The following UBXN4 variants were observed in gnomAD, a reference collection of about 807,000 sequenced individuals.
The protein encoded by UBXN4 is UBX domain-containing protein 4.
In UBXN4, 35 loss-of-function variants were observed where a neutral mutation model predicts 66.2. The observed-to-expected ratio is 0.53, with a 90% CI of 0.40 to 0.70. The LOEUF is 0.70. UBXN4 is among the 30% of genes least tolerant of loss of function. UBXN4 has a pLI of 0.00. For synonymous variants in UBXN4, 203 were observed against 204.5 expected, an observed-to-expected ratio of 0.99 and a Z score of 0.06; for missense variants, 533 against 599.8, an observed-to-expected ratio of 0.89 and a Z score of 1.16.
At chr2:135,745,918 G>A (rs532219092) in intron 1 of UBXN4, among the ~76,000 whole-genome samples, 3 of 108,136 alleles carry the variant, frequency 2.8e-5, no homozygotes, top group African/African-American at 7.0e-5. Context: ...TCACTCTGCC[G>A]CCAGGCTGGA....
chr2:135,749,696 T>G (rs1038190633), intron 2 of UBXN4, among the ~76,000 whole-genome samples: 2 of 152,244 alleles, frequency 1.3e-5, no homozygotes, highest in African/African-American at 4.8e-5. Flanking sequence ...AATAATTCTT[T>G]AATATCAAAT....
intron 2 of UBXN4, among the ~76,000 whole-genome samples, chr2:135,750,835 CTTTTTTTTTTTTTTTTTTTTTTT>C (rs1166056661): frequency 3.9e-5 from 3 of 77,438 alleles, no homozygotes; most frequent in South Asian, 4.8e-4. Flanking sequence ...ATGTGTCTGG[CTTTTTTTTTTTTTTTTTTTTTTT>C]TTTTTTTTTT....
At chr2:135,763,494 T>G (rs563360534) in intron 6 of UBXN4, among the ~76,000 whole-genome samples, 1 of 152,334 alleles carries the variant, frequency 6.6e-6, no homozygotes, top group Admixed American at 6.5e-5. Flanking sequence ...GATGGTATTT[T>G]AAAATCTATT....
intron 5 of UBXN4, 37 bp from the exon 6 acceptor site, chr2:135,761,781 A>G (rs1182744694): frequency 1.3e-6 from 2 of 1,505,608 alleles, no homozygotes; most frequent in Admixed American, 2.1e-5. Context: ...GTTGCATTAA[A>G]TGCAGTATTC....
In UBXN4 at chr2:135,770,674, G is replaced by A; in HGVS notation, c.761G>A (p.Arg254Lys). The A allele has an allele frequency of 6.3e-7, 1 of 1,579,116 alleles. No homozygotes were observed. Residue 254 changes from arginine to lysine, a missense_variant, in exon 8 of 13, where the codon AGA becomes AAA. By Grantham distance (26) the Arg-to-Lys change is conservative (BLOSUM62 2). Transcript: ENST00000272638. ...TTAACAAAAAGAATGCTGGAGGAAA[G>A]AAACAGAGAGAAAGCAGAAGATAGG... ...EELTKRMLEE[R>K]NREKAEDRAA...
At chr2:135,765,038 T>G (rs2077338490) in intron 6 of UBXN4, among the ~76,000 whole-genome samples, 1 of 152,182 alleles carries the variant, frequency 6.6e-6, no homozygotes, top group African/African-American at 2.4e-5. Context: ...GGTCTCGAAC[T>G]CCTGGCCTCA....
In UBXN4 at chr2:135,780,318, C is replaced by G. The variant is rs768037984; in HGVS notation, c.1321C>G (p.Gln441Glu). ...CTTGTTTAGTAATCCGCCTCCCACA[C>G]AGACTTCAGTGAGAGTAACATCGTC... ...NFLFSNPPPT[Q>E]TSVRVTSSEP... The change falls in exon 12 of 13, where the codon CAG becomes GAG. Residue 441 changes from glutamine to glutamate, a missense_variant. Physicochemically the swap from Gln to Glu is conservative, Grantham distance 29. Coordinates refer to ENST00000272638, the MANE Select transcript of UBXN4 (RefSeq NM_014607.4). The G allele has an allele frequency of 2.5e-6, 4 of 1,614,196 alleles. No individual in the cohort carries two copies. The highest frequency in any genetic ancestry group is 2.5e-6 in the Non-Finnish European group (3 of 1,180,024).
intron 1 of UBXN4, among the ~76,000 whole-genome samples, chr2:135,746,588 T>G (rs1317093787): frequency 6.6e-6 from 1 of 152,196 alleles, no homozygotes; most frequent in African/African-American, 2.4e-5. Flanking sequence ...TCAGCTTTAT[T>G]GAGCTGATAT....
chr2:135,761,823 G>A lies in UBXN4; in HGVS notation c.514G>A (p.Glu172Lys). The A allele has an allele frequency of 6.2e-7, 1 of 1,603,052 alleles. No individual in the cohort carries two copies. The highest frequency in any genetic ancestry group is 8.5e-7 in the Non-Finnish European group (1 of 1,176,578). Residue 172 changes from glutamate (E) to lysine (K), a missense_variant, in exon 6 of 13, where the codon GAA becomes AAA. Around this residue, in one of 2 missense-constraint regions of UBXN4, gnomAD observed 529 missense variants for 580.1 expected, o/e 0.91. Coordinates refer to ENST00000272638, the MANE Select transcript of UBXN4 (RefSeq NM_014607.4). ...DTKSDTATGG[E>K]SAGHATSSQE... ...CTTTTTATTTAATAATTAAGGAGGA[G>A]AAAGTGCAGGCCATGCCACTTCCTC...
At position 135,783,627 on chromosome 2, in the gene UBXN4, C is replaced by T. The variant is rs1489177895; in HGVS notation, c.*740C>T. On this transcript the variant is annotated 3_prime_UTR_variant, in exon 13 of 13. Transcript: ENST00000272638. ...CTTGTCTCCTAAGTCAGTGAGGCAT[C>T]ACTTTGTTTGCATAAAGTATACGGT... 6.6e-6 allele frequency: 1 copy of T among 152,152 alleles called. No individual in the cohort carries two copies. Among genetic ancestry groups the T allele is most frequent in the African/African-American group, 2.4e-5 (1 of 41,424 alleles). The allele number at this position is 152,152 out of a possible 1,614,324, so 9.4% of individuals were successfully genotyped here.
intron 10 of UBXN4, among the ~76,000 whole-genome samples, chr2:135,777,707 A>AC (rs1171951081): frequency 6.6e-6 from 1 of 150,982 alleles, no homozygotes; most frequent in Non-Finnish European, 1.5e-5. Flanking sequence ...CAACATGGTG[A>AC]CCCCATCTAT....
chr2:135,764,388 A>T (rs1559541135), intron 6 of UBXN4, among the ~76,000 whole-genome samples: 2 of 152,232 alleles, frequency 1.3e-5, no homozygotes, highest in African/African-American at 4.8e-5. Context: ...ATAAGAACAT[A>T]GTCCTTCAAT....
At chr2:135,767,187 C>G (rs2105502959) in intron 6 of UBXN4, among the ~76,000 whole-genome samples, 1 of 152,246 alleles carries the variant, frequency 6.6e-6, no homozygotes, top group East Asian at 1.9e-4. Context: ...ACAGTGCAAC[C>G]TTGTCTCTAT....
intron 6 of UBXN4, among the ~76,000 whole-genome samples, chr2:135,768,571 A>T (rs1037785207): frequency 7.3e-5 from 10 of 137,778 alleles, no homozygotes; most frequent in South Asian, 2.3e-4. Flanking sequence ...TTATATTATT[A>T]TTTTTTTTTC....
chr2:135,771,690 G>T (rs534943408), intron 8 of UBXN4, among the ~76,000 whole-genome samples: 1 of 152,300 alleles, frequency 6.6e-6, no homozygotes, highest in South Asian at 2.1e-4. Flanking sequence ...AGGCTGCCAA[G>T]TAGCTGAGGT....
chr2:135,762,694 G>C (rs1419224495), intron 6 of UBXN4, among the ~76,000 whole-genome samples: 1 of 152,204 alleles, frequency 6.6e-6, no homozygotes, highest in Non-Finnish European at 1.5e-5. Flanking sequence ...TCTTTGTAGG[G>C]GAAGGGGCAG....
chr2:135,742,157 G>A, intron 1 of UBXN4, 146 bp downstream of exon 1: 2 of 965,358 alleles, frequency 2.1e-6, no homozygotes, highest in South Asian at 3.3e-5. Flanking sequence ...CCGCGCCCCA[G>A]GGACGGCTGC....
At chr2:135,769,748 G>GTTTT in intron 6 of UBXN4, 21 bp from the exon 7 acceptor site, 5 of 1,132,864 alleles carry the variant, frequency 4.4e-6, no homozygotes, top group Non-Finnish European at 6.1e-6. Context: ...ATTAGTGGTG[G>GTTTT]TTTTTTTTTT....
intron 6 of UBXN4, among the ~76,000 whole-genome samples, chr2:135,762,338 A>T (rs1488715769): frequency 3.9e-5 from 6 of 152,186 alleles, no homozygotes; most frequent in Non-Finnish European, 8.8e-5. Flanking sequence ...TCAGATACAA[A>T]TTTCTGGCTC....
Sources: allele counts gnomAD v4.1 joint callset (sites outside exome capture counted in the v4.1 genomes callset), GRCh38; gene constraint gnomAD v4.1.1; regional missense constraint gnomAD v4.1.1; transcripts MANE v1.5; gene names NCBI Gene and HGNC (gene_info 2026-07-23, HGNC 2026-07-21).